The following PRRC2B variants were observed in gnomAD, a reference collection of about 807,000 sequenced individuals.
The protein encoded by PRRC2B is protein PRRC2B.
Under a neutral mutation model 242.3 loss-of-function variants are expected in PRRC2B, and 68 were observed. That is an observed-to-expected ratio of 0.28 (90% CI 0.23 to 0.34). The LOEUF (loss-of-function observed/expected upper bound fraction) is 0.34, where lower values mean the gene tolerates loss of function less well. PRRC2B is among the 10% of genes least tolerant of loss of function. The pLI, the probability that PRRC2B is intolerant of heterozygous loss-of-function variation, is 1.00. For synonymous variants in PRRC2B, 1,228 were observed against 1,173.6 expected, an observed-to-expected ratio of 1.05 and a Z score of -0.95; for missense variants, 2,835 against 2,954.8, an observed-to-expected ratio of 0.96 and a Z score of 0.94.
chr9:131,468,574 C>T lies in PRRC2B; in HGVS notation c.1911+821C>T, dbSNP rs955432554. 1.2e-4 allele frequency among the ~76,000 whole-genome samples: 19 copies of T among 152,056 alleles called. No individual in the cohort carries two copies. In the East Asian group the frequency reaches 2.3e-3, roughly 18 times the overall value. ...TAGTCTTGAAGCACTCATCAGCAAT[C>T]GTGCCTACTAGAGTAGTAATAAGTA... is the stretch of plus-strand genomic sequence containing the variant. On this transcript the variant is annotated intron_variant, in intron 13 of 31. Coordinates refer to ENST00000683519, the MANE Select transcript of PRRC2B (RefSeq NM_013318.4).
At chr9:131,408,435 A>G (rs1408303705) in intron 1 of PRRC2B, among the ~76,000 whole-genome samples, 1 of 152,210 alleles carries the variant, frequency 6.6e-6, no homozygotes, top group Non-Finnish European at 1.5e-5. Context: ...ATGCCACTGT[A>G]TAGTGGAATG....
chr9:131,461,784 C>T (rs951086381), intron 11 of PRRC2B, among the ~76,000 whole-genome samples: 2 of 152,200 alleles, frequency 1.3e-5, no homozygotes, highest in Non-Finnish European at 2.9e-5. Flanking sequence ...ACCTTGGCCT[C>T]CCAAAGTACT....
At position 131,494,395 on chromosome 9, in the gene PRRC2B, G is replaced by T. The variant is rs1488193048; in HGVS notation, c.6474-10G>T. ...TGTGTATTCTCAACCCCTGCCTTTG[G>T]TTTTTTCAGGCCTAGCTCTGCTAGC... On this transcript the variant is annotated splice_polypyrimidine_tract_variant and intron_variant, in intron 30 of 31. Transcript: ENST00000683519. The surrounding 1 kb of genome is among the most constrained non-coding windows in gnomAD (Gnocchi z 4.3). 1.9e-6 allele frequency: 3 copies of T among 1,556,414 alleles called. No individual in the cohort carries two copies. In the African/African-American group the frequency reaches 4.1e-5, roughly 21 times the overall value.
intron 2 of PRRC2B, among the ~76,000 whole-genome samples, chr9:131,430,565 G>GTA: frequency 8.9e-6 from 1 of 112,264 alleles, no homozygotes; most frequent in East Asian, 2.4e-4. Context: ...GTGTGTATGT[G>GTA]TGTGTGTGTG....
chr9:131,437,056 G>T (rs955620958), intron 4 of PRRC2B, among the ~76,000 whole-genome samples: 6 of 152,134 alleles, frequency 3.9e-5, no homozygotes, highest in Non-Finnish European at 7.3e-5. Flanking sequence ...GAAGCGTCAC[G>T]TGAGCTCCAT....
At chr9:131,403,943 T>C (rs1239063727) in intron 1 of PRRC2B, among the ~76,000 whole-genome samples, 2 of 152,150 alleles carry the variant, frequency 1.3e-5, no homozygotes, top group East Asian at 3.9e-4. Context: ...AGTAATACTT[T>C]TTTTTTCTTC....
chr9:131,441,498 C>T (rs1182571355), intron 5 of PRRC2B, among the ~76,000 whole-genome samples: 1 of 152,100 alleles, frequency 6.6e-6, no homozygotes, highest in Non-Finnish European at 1.5e-5. Flanking sequence ...TAAGTCCAGC[C>T]TGAAAAACAT....
In PRRC2B at chr9:131,429,809, A is replaced by T. The variant is rs369406739; in HGVS notation, c.-51-285A>T. Among the ~76,000 whole-genome samples, 43 of 151,572 alleles carry T rather than the reference A, an allele frequency of 2.8e-4. No individual in the cohort carries two copies. The East Asian group carries it at 6.8e-3, about 24-fold the overall frequency. Reference sequence around the variant, plus strand: ...TGTCAGTGTGGTTGGTGTGCAGTAGACTCCAGCCAACTCAGAGTGAGAGGA... The same window carrying T: ...TGTCAGTGTGGTTGGTGTGCAGTAGTCTCCAGCCAACTCAGAGTGAGAGGA... On this transcript the variant is annotated intron_variant, in intron 1 of 31. Coordinates refer to ENST00000683519, the MANE Select transcript of PRRC2B (RefSeq NM_013318.4).
intron 1 of PRRC2B, 40 bp from the exon 2 acceptor site, chr9:131,430,054 C>CTG: frequency 1.9e-6 from 1 of 524,736 alleles, no homozygotes; most frequent in Non-Finnish European, 3.3e-6. Context: ...TTTTTTTTTT[C>CTG]TCTCTCTTTT....
chr9:131,479,509 G>A (rs758328748), intron 19 of PRRC2B, 116 bp downstream of exon 19: 35 of 1,010,106 alleles, frequency 3.5e-5, no homozygotes, highest in Non-Finnish European at 4.8e-5. Flanking sequence ...TACAGATGGA[G>A]TACCTGTTTG....
chr9:131,451,970 T>C (rs1450454962), intron 9 of PRRC2B, among the ~76,000 whole-genome samples: 1 of 152,196 alleles, frequency 6.6e-6, no homozygotes, highest in Non-Finnish European at 1.5e-5. Context: ...TCATGAGGGA[T>C]ATTAGTTTGT....
chr9:131,380,793 G>A (rs761846575), intron 1 of PRRC2B, among the ~76,000 whole-genome samples: 12 of 150,382 alleles, frequency 8.0e-5, no homozygotes, highest in Non-Finnish European at 1.0e-4. Flanking sequence ...CAGGAGAACC[G>A]CTTGAACCTA....
At chr9:131,469,241 G>C (rs549511763) in intron 13 of PRRC2B, among the ~76,000 whole-genome samples, 187 of 152,330 alleles carry the variant, frequency 1.2e-3, no homozygotes, top group African/African-American at 4.4e-3. Context: ...GGCTGAGGTA[G>C]GAGAATCGCT....
At chr9:131,379,573 C>T (rs1465883486) in intron 1 of PRRC2B, among the ~76,000 whole-genome samples, 5 of 150,652 alleles carry the variant, frequency 3.3e-5, no homozygotes, top group East Asian at 1.9e-4. Context: ...ATGTGCTCAT[C>T]GGCCATGTGT....
At chr9:131,379,720 G>A (rs763666375) in intron 1 of PRRC2B, among the ~76,000 whole-genome samples, 33 of 150,924 alleles carry the variant, frequency 2.2e-4, no homozygotes, top group Non-Finnish European at 3.8e-4. Context: ...CCGCCTCCTG[G>A]GTTTAAGCAA....
At chr9:131,447,616 T>A (rs751361274) in intron 8 of PRRC2B, 46 bp from the exon 9 acceptor site, 2 of 1,492,222 alleles carry the variant, frequency 1.3e-6, no homozygotes, top group East Asian at 4.8e-5. Flanking sequence ...TGATTTTGCT[T>A]CCGTCTGTAT....
chr9:131,430,659 C>G (rs1838135856), intron 2 of PRRC2B, among the ~76,000 whole-genome samples: 1 of 151,434 alleles, frequency 6.6e-6, no homozygotes, highest in Admixed American at 6.6e-5. Flanking sequence ...GTGGCATGAT[C>G]TCAGCTCATT....
intron 11 of PRRC2B, 124 bp from the exon 12 acceptor site, chr9:131,464,639 C>T (rs796408704): frequency 1.4e-5 from 12 of 852,110 alleles, no homozygotes; most frequent in African/African-American, 3.4e-5. Flanking sequence ...GTCTGCCACA[C>T]GCCTGTGCTG....
chr9:131,406,617 G>T (rs539430289), intron 1 of PRRC2B, among the ~76,000 whole-genome samples: 65 of 152,182 alleles, frequency 4.3e-4, no homozygotes, highest in African/African-American at 1.5e-3. Context: ...TTTCTTATCT[G>T]CCCCAAATGG....
Sources: allele counts gnomAD v4.1 joint callset (sites outside exome capture counted in the v4.1 genomes callset), GRCh38; gene constraint gnomAD v4.1.1; non-coding constraint Gnocchi (gnomAD v3.1); transcripts MANE v1.5; gene names NCBI Gene and HGNC (gene_info 2026-07-23, HGNC 2026-07-21).